The following UBAP1L variants were observed in gnomAD, a reference collection of about 807,000 sequenced individuals.
UBAP1L encodes ubiquitin-associated protein 1-like.
In UBAP1L, 32 loss-of-function variants were observed where a neutral mutation model predicts 32.1. The observed-to-expected ratio is 1.00, with a 90% confidence interval of 0.75 to 1.34. The LOEUF is 1.34. UBAP1L is among the 40% of genes most tolerant of loss of function. The probability of loss-of-function intolerance (pLI) is 0.00; values close to 1 mark genes in which losing one functional copy is unlikely to be tolerated. For synonymous variants in UBAP1L, 243 were observed against 250.2 expected (o/e 0.97, Z 0.27); for missense variants, 516 against 540.5 (o/e 0.95, Z 0.45).
rs1199240894 is a variant in UBAP1L, at chr15:65,102,662, G to A, written c.143C>T (p.Thr48Met). 5 of 1,547,980 alleles carry A rather than the reference G, an allele frequency of 3.2e-6. No individual in the cohort carries two copies. Among genetic ancestry groups the A allele is most frequent in the South Asian group, 2.4e-5 (2 of 84,050 alleles). The change falls in exon 3 of 6, where the codon ACG becomes ATG. Residue 48 changes from threonine (T) to methionine (M), a missense_variant. Transcript: ENST00000559089. This position sits in a 1 kb window ranked among gnomAD's most constrained non-coding sequence, Gnocchi z 5.0. ...GGCGGCCTCCACCCAGAAGAGTGCC[G>A]TCCTCTCCAGGCTGAAGTCGTGCTG... ...GSMHDFSLER[T>M]ALFWVEAAGQ...
intron 1 of UBAP1L, among the ~76,000 whole-genome samples, chr15:65,111,918 G>A (rs530461225): frequency 2.0e-4 from 30 of 152,196 alleles, no homozygotes; most frequent in African/African-American, 7.2e-4. Flanking sequence ...AGCCTCCTGA[G>A]TAGCTGGGAC....
At chr15:65,108,098 C>T (rs2087336590) in intron 1 of UBAP1L, among the ~76,000 whole-genome samples, 1 of 151,936 alleles carries the variant, frequency 6.6e-6, no homozygotes, top group Non-Finnish European at 1.5e-5. Flanking sequence ...GCAAGACCTT[C>T]AAGTTATGAG....
At chr15:65,112,234 C>G (rs578175544) in intron 1 of UBAP1L, among the ~76,000 whole-genome samples, 142 of 152,236 alleles carry the variant, frequency 9.3e-4, no homozygotes, top group Non-Finnish European at 1.4e-3. Context: ...TGACAAGTTG[C>G]TGGACTTAAG....
chr15:65,099,701 T>G lies in UBAP1L; in HGVS notation c.713A>C (p.Tyr238Ser). The change falls in exon 4 of 6, where the codon TAC becomes TCC. Residue 238 changes from tyrosine (Y) to serine (S), a missense_variant. Physicochemically the swap from Tyr to Ser is moderately radical, Grantham distance 144. Coordinates refer to ENST00000559089, the MANE Select transcript of UBAP1L (RefSeq NM_001163692.2). ...CCCCCCAAGAGGTGGCAGACAGGTGTACGGGCTGAGGGACTGAAATACAGA... is the reference window on the plus strand; with the variant it reads ...CCCCCCAAGAGGTGGCAGACAGGTGGACGGGCTGAGGGACTGAAATACAGA... ...HKPTVASLSP[Y>S]TCLPPLGGAP... is the part of the protein sequence containing the mutation. The G allele has an allele frequency of 3.2e-6, 5 of 1,549,818 alleles. No individual in the cohort carries two copies. Among genetic ancestry groups the G allele is most frequent in the Non-Finnish European group, 4.4e-6 (5 of 1,145,812 alleles).
chr15:65,104,003 C>G (rs1433460695), intron 2 of UBAP1L, among the ~76,000 whole-genome samples: 2 of 151,986 alleles, frequency 1.3e-5, no homozygotes, highest in Non-Finnish European at 1.5e-5. Context: ...GCCTGCGATC[C>G]CAGCACTTTG....
chr15:65,097,667 A>G (rs2087191850), intron 4 of UBAP1L: 1 of 152,144 alleles, frequency 6.6e-6, no homozygotes, highest in South Asian at 2.1e-4. Context: ...ATGTTCAATA[A>G]ATGTTAGCAC....
At chr15:65,112,594 G>C (rs2087375501) in intron 1 of UBAP1L, among the ~76,000 whole-genome samples, 1 of 152,090 alleles carries the variant, frequency 6.6e-6, no homozygotes, top group Admixed American at 6.6e-5. Context: ...GTTTCCAAAG[G>C]TCTTCACTAT....
At position 65,094,894 on chromosome 15, in the gene UBAP1L, A is replaced by C; in HGVS notation, c.910-318T>G. On this transcript the variant is annotated intron_variant, in intron 4 of 5. Transcript: ENST00000559089. The surrounding 1 kb of genome is among the most constrained non-coding windows in gnomAD (Gnocchi z 4.2). ...AGCAGGACAGGCTTCAAACACAGAC[A>C]TCCCACCTACCACCCAACGCAATTC... The C allele has an allele frequency of 2.5e-6, 1 of 395,748 alleles. No homozygotes were observed. Among genetic ancestry groups the C allele is most frequent in the Non-Finnish European group, 4.8e-6 (1 of 210,280 alleles). 24.5% of individuals were successfully genotyped at this position (395,748 alleles called of 1,614,324 possible). A position where few individuals can be genotyped will look rare whatever the true frequency, so the allele number is the denominator to read the frequency against.
intron 4 of UBAP1L, chr15:65,097,519 C>T (rs1400341366): frequency 6.6e-6 from 1 of 152,316 alleles, no homozygotes; most frequent in Non-Finnish European, 1.5e-5. Context: ...GGCCTCAACC[C>T]CAGTGCTGCC....
At chr15:65,104,521 T>C (rs1313248876) in intron 2 of UBAP1L, among the ~76,000 whole-genome samples, 1 of 152,140 alleles carries the variant, frequency 6.6e-6, no homozygotes, top group Non-Finnish European at 1.5e-5. Context: ...TAATATATTA[T>C]AGGGATTTAG....
At position 65,106,199 on chromosome 15, in the gene UBAP1L, C is replaced by A. The variant is rs1162892515; in HGVS notation, c.17G>T (p.Gly6Val). MNALD[G>V]VPFKLPKGFV... is the part of the protein sequence containing the mutation. ...GCCCTTGGGCAACTTGAAAGGAACACCATCGAGGGCATTCATTCTGTCAGG... is the reference window on the plus strand; with the variant it reads ...GCCCTTGGGCAACTTGAAAGGAACAACATCGAGGGCATTCATTCTGTCAGG... Residue 6 changes from glycine to valine, a missense_variant, in exon 2 of 6, where the codon GGT (glycine) becomes GTT (valine). Gly to Val is a moderately radical substitution (Grantham distance 109). Coordinates refer to ENST00000559089, the MANE Select transcript of UBAP1L (RefSeq NM_001163692.2). 5.2e-6 allele frequency: 8 copies of A among 1,546,322 alleles called. No individual in the cohort carries two copies. In the South Asian group the frequency reaches 9.6e-5, roughly 19 times the overall value.
chr15:65,106,371 A>C lies in UBAP1L; in HGVS notation c.-156T>G. ...TGAGCCCCAAACAGCTGGAAAGGAAAAGGTGAGGGGGCCAGTGCTGCATAA... is the reference window on the plus strand; with the variant it reads ...TGAGCCCCAAACAGCTGGAAAGGAACAGGTGAGGGGGCCAGTGCTGCATAA... On this transcript the variant is annotated 5_prime_UTR_variant, in exon 2 of 6. Coordinates refer to ENST00000559089, the MANE Select transcript of UBAP1L (RefSeq NM_001163692.2). The C allele has an allele frequency of 1.2e-6, 1 of 811,008 alleles. No individual in the cohort carries two copies. Among genetic ancestry groups the C allele is most frequent in the Non-Finnish European group, 1.8e-6 (1 of 552,414 alleles). The allele number at this position is 811,008 out of a possible 1,614,324, so 50.2% of individuals were successfully genotyped here. A position where few individuals can be genotyped will look rare whatever the true frequency, so the allele number is the denominator to read the frequency against.
rs1383982527 is a variant in UBAP1L at position 65,109,017 on chromosome 15, C to T, written c.-173-2629G>A. Among the ~76,000 whole-genome samples, 2 of 151,304 alleles carry T rather than the reference C, an allele frequency of 1.3e-5. 1 individual carries two copies. The highest frequency in any genetic ancestry group is 2.9e-5 in the Non-Finnish European group (2 of 67,860). ...ACTAAACATACAAAAATTAGCCAGG[C>T]GTGGTGGCACACATCTGTAATCTCA... On this transcript the variant is annotated intron_variant, in intron 1 of 5. Transcript: ENST00000559089.
Position 65,102,177 on chromosome 15 carries a change from G to A in UBAP1L, c.628C>T (p.Pro210Ser), listed in dbSNP as rs2087248138. ...GTGGAGGGCCGCGGGGGCGACGCGG[G>A]GGCGGCGGGGTGCTGGGGCGCGGGC... ...PGPAPQHPAA[P>S]ASPPRPSTAG... The change falls in exon 3 of 6, where the codon CCC becomes TCC. Residue 210 changes from proline to serine, a missense_variant. Transcript: ENST00000559089. This position sits in a 1 kb window ranked among gnomAD's most constrained non-coding sequence, Gnocchi z 5.0. 1 of 1,196,342 alleles carries A rather than the reference G, an allele frequency of 8.4e-7. No individual in the cohort carries two copies. Among genetic ancestry groups the A allele is most frequent in the Non-Finnish European group, 1.0e-6 (1 of 963,990 alleles). The allele number at this position is 1,196,342 out of a possible 1,614,324, so 74.1% of individuals were successfully genotyped here.
intron 1 of UBAP1L, among the ~76,000 whole-genome samples, chr15:65,111,851 C>T (rs753310273): frequency 2.0e-5 from 3 of 149,790 alleles, no homozygotes; most frequent in Non-Finnish European, 4.4e-5. Context: ...AGTGCAGTGG[C>T]GTGATCTGGG....
intron 3 of UBAP1L, chr15:65,101,113 G>A (rs952063372): frequency 5.9e-5 from 9 of 152,320 alleles, no homozygotes; most frequent in African/African-American, 2.2e-4. Flanking sequence ...AAGGTCACAA[G>A]CCGGTGCATG....
chr15:65,101,972 A>T (rs907464020), intron 3 of UBAP1L, 134 bp downstream of exon 3: 7 of 351,322 alleles, frequency 2.0e-5, no homozygotes, highest in Admixed American at 1.9e-4. Context: ...GTACAGGCCC[A>T]GGTGGGAGCA....
At chr15:65,101,123 G>C (rs2140562436) in intron 3 of UBAP1L, 1 of 152,356 alleles carries the variant, frequency 6.6e-6, no homozygotes, top group East Asian at 1.9e-4. Context: ...GCCGGTGCAT[G>C]TAAGAAACCA....
In UBAP1L at chr15:65,106,209, C is replaced by T; in HGVS notation, c.7G>A (p.Ala3Thr). The change falls in exon 2 of 6, where the codon GCC becomes ACC. Residue 3 changes from alanine (A) to threonine (T), a missense_variant. By Grantham distance (58) the Ala-to-Thr change is moderately conservative. Coordinates refer to ENST00000559089, the MANE Select transcript of UBAP1L (RefSeq NM_001163692.2). MN[A>T]LDGVPFKLPK... ...AACTTGAAAGGAACACCATCGAGGG[C>T]ATTCATTCTGTCAGGAGTGTGGAGA... 1.3e-6 allele frequency: 2 copies of T among 1,543,848 alleles called. No individual in the cohort carries two copies. Among genetic ancestry groups the T allele is most frequent in the South Asian group, 2.4e-5 (2 of 82,586 alleles).
Sources: allele counts gnomAD v4.1 joint callset (sites outside exome capture counted in the v4.1 genomes callset), GRCh38; gene constraint gnomAD v4.1.1; non-coding constraint Gnocchi (gnomAD v3.1); transcripts MANE v1.5; gene names NCBI Gene and HGNC (gene_info 2026-07-23, HGNC 2026-07-21).